Variants in EPB41L3 observed in about 807,000 individuals in gnomAD.
EPB41L3 encodes the protein erythrocyte membrane protein band 4.1 like 3.
Under a neutral mutation model 127.1 loss-of-function variants are expected in EPB41L3, and 57 were observed. The ratio of observed to expected loss-of-function variants is 0.45; its 90% CI spans 0.36 to 0.56. The LOEUF is 0.56. EPB41L3 is among the 20% of genes least tolerant of loss of function. The probability of loss-of-function intolerance (pLI) is 0.00; values close to 1 mark genes in which losing one functional copy is unlikely to be tolerated. For synonymous variants in EPB41L3, 572 were observed against 549.5 expected (o/e 1.04, Z -0.57); for missense variants, 1,273 against 1,372.2 (o/e 0.93, Z 1.14).
At chr18:5,501,368 G>A (rs1214239894) in intron 1 of EPB41L3, among the ~76,000 whole-genome samples, 1 of 152,112 alleles carries the variant, frequency 6.6e-6, no homozygotes, top group African/African-American at 2.4e-5. Context: ...TGATATCTTG[G>A]GAAATGGGAT....
chr18:5,545,918 T>C (rs2093874031), upstream of EPB41L3, among the ~76,000 whole-genome samples: 1 of 137,416 alleles, frequency 7.3e-6, no homozygotes. Flanking sequence ...TGTGTGTGTG[T>C]AGCACATAAG....
chr18:5,537,259 T>C lies in EPB41L3; in HGVS notation c.-12+6654A>G, dbSNP rs534955939. 2.6e-4 allele frequency among the ~76,000 whole-genome samples: 40 copies of C among 152,320 alleles called. 2 individuals carry two copies. The South Asian group carries it at 6.0e-3, about 23-fold the overall frequency. On this transcript the variant is annotated intron_variant, in intron 1 of 22. Transcript: ENST00000341928. ...ATATTTTAAAGTGAGAATGTATTATTTTTAATATCTCAAATAACTGAGATA... is the reference window on the plus strand; with the variant it reads ...ATATTTTAAAGTGAGAATGTATTATCTTTAATATCTCAAATAACTGAGATA...
In EPB41L3 at chr18:5,565,076, G is replaced by A. The variant is rs1300562371; in HGVS notation, c.-306+47264C>T. Among the ~76,000 whole-genome samples, 3 of 152,132 alleles carry A rather than the reference G, an allele frequency of 2.0e-5. No homozygotes were observed. In the East Asian group the frequency reaches 5.8e-4, roughly 29 times the overall value. On this transcript the variant is annotated intron_variant, in intron 3 of 21. Coordinates refer to the EPB41L3 transcript ENST00000545076. ...CACACAGCTTCTCTCAAAGGCATAT[G>A]CTGGCAATTGTCTAGTTTGAAGAGA... is the stretch of plus-strand genomic sequence containing the variant.
Position 5,511,882 on chromosome 18 carries a change from A to C in EPB41L3, c.-11-22688T>G, listed in dbSNP as rs549526058. Among the ~76,000 whole-genome samples the C allele has an allele frequency of 1.4e-4, 22 of 152,362 alleles. 1 individual carries two copies. Among genetic ancestry groups the C allele is most frequent in the South Asian group, 6.2e-4 (3 of 4,828 alleles). The stretch of plus-strand genomic sequence containing the variant: ...AGAACCACCTGGATGGAGATTAAGA[A>C]TGCACAAAAATTAAGCTGGTACAGA... On this transcript the variant is annotated intron_variant, in intron 1 of 22. Transcript: ENST00000341928.
intron 3 of EPB41L3, among the ~76,000 whole-genome samples, chr18:5,586,267 G>A (rs2094440935): frequency 6.6e-6 from 1 of 152,014 alleles, no homozygotes; most frequent in African/African-American, 2.4e-5. Context: ...TTTTTAAAAG[G>A]GCATTTATTT....
chr18:5,564,778 C>A (rs1361965125), intron 3 of EPB41L3, among the ~76,000 whole-genome samples: 1 of 152,140 alleles, frequency 6.6e-6, no homozygotes, highest in African/African-American at 2.4e-5. Flanking sequence ...CTACTGGACT[C>A]CCTGCCACCA....
chr18:5,424,028 AC>A (rs2077822012), intron 10 of EPB41L3, among the ~76,000 whole-genome samples: 1 of 152,196 alleles, frequency 6.6e-6, no homozygotes, highest in African/African-American at 2.4e-5. Flanking sequence ...ATGTAAACAC[AC>A]TAAAGATACT....
At chr18:5,441,056 A>T (rs1261462236) in intron 5 of EPB41L3, among the ~76,000 whole-genome samples, 3 of 152,062 alleles carry the variant, frequency 2.0e-5, no homozygotes. Flanking sequence ...AGCTAATTAA[A>T]ACAATTTTTT....
At chr18:5,591,348 C>A (rs1365764804) in intron 3 of EPB41L3, among the ~76,000 whole-genome samples, 1 of 125,042 alleles carries the variant, frequency 8.0e-6, no homozygotes, top group East Asian at 2.1e-4. Context: ...CAAGCGCCAT[C>A]AGATTTGGTG....
intron 3 of EPB41L3, among the ~76,000 whole-genome samples, chr18:5,456,542 A>G (rs2083100477): frequency 6.6e-6 from 1 of 152,248 alleles, no homozygotes. Flanking sequence ...GCACTTGCGC[A>G]TATCATATTT....
chr18:5,437,721 A>G (rs1173217522), intron 6 of EPB41L3, among the ~76,000 whole-genome samples: 3 of 152,212 alleles, frequency 2.0e-5, no homozygotes, highest in Non-Finnish European at 1.5e-5. Context: ...AAAAACTAAG[A>G]GCTGCTATAT....
chr18:5,530,973 C>T (rs899326895), intron 1 of EPB41L3, among the ~76,000 whole-genome samples: 6 of 152,290 alleles, frequency 3.9e-5, no homozygotes, highest in South Asian at 2.1e-4. Context: ...GGCAGACGGA[C>T]GGAGGCACAG....
intron 3 of EPB41L3, among the ~76,000 whole-genome samples, chr18:5,569,767 T>C (rs1425102078): frequency 1.3e-5 from 2 of 152,238 alleles, no homozygotes; most frequent in African/African-American, 2.4e-5. Context: ...CAACATCTTA[T>C]AAAGTGTAGG....
In EPB41L3 at chr18:5,420,078, G is replaced by A. The variant is rs377141304; in HGVS notation, c.1340-201C>T. 12 of 1,100,858 alleles carry A rather than the reference G, an allele frequency of 1.1e-5. No individual in the cohort carries two copies. The African/African-American group carries it at 1.6e-4, about 15-fold the overall frequency. The allele number at this position is 1,100,858 out of a possible 1,614,324, so 68.2% of individuals were successfully genotyped here. ...TGAAAAAACAAATCAGTGCTGCAGG[G>A]ACCTTCATGAGAGCATGACCTTCCT... On this transcript the variant is annotated intron_variant, in intron 11 of 22. Transcript: ENST00000341928.
At chr18:5,468,930 A>AAAACAAAC (rs139365871) in intron 3 of EPB41L3, among the ~76,000 whole-genome samples, 8 of 79,072 alleles carry the variant, frequency 1.0e-4, no homozygotes, top group South Asian at 4.1e-4. Context: ...CAAAAAACAA[A>AAAACAAAC]AAACAAACAA....
intron 1 of EPB41L3, among the ~76,000 whole-genome samples, chr18:5,542,681 C>T (rs2149074257): frequency 1.3e-5 from 2 of 152,294 alleles, no homozygotes; most frequent in Middle Eastern, 3.4e-3. Flanking sequence ...TGTTCCGCAA[C>T]AATCTCTACC....
upstream of EPB41L3, chr18:5,544,202 C>T (rs1184010343): frequency 3.0e-6 from 3 of 985,442 alleles, no homozygotes; most frequent in African/African-American, 3.5e-5. Flanking sequence ...ATGGGCACAG[C>T]CTCCTCCGTC....
rs528718484 is a variant in EPB41L3 at position 5,418,600 on chromosome 18, AG to A, written c.1506+1110del. On this transcript the variant is annotated intron_variant, in intron 12 of 22. Coordinates refer to ENST00000341928, the MANE Select transcript of EPB41L3 (RefSeq NM_012307.5). ...AATTTAGAACAAAGCACATTTTAAC[AG>A]CAAAAGTTATCGAAATATCCCTGCC... Among the ~76,000 whole-genome samples, 47 of 152,370 alleles carry A rather than the reference AG, an allele frequency of 3.1e-4. 1 individual carries two copies. In the South Asian group the frequency reaches 9.5e-3, roughly 31 times the overall value.
At chr18:5,547,897 A>G (rs1032328143), upstream of EPB41L3, among the ~76,000 whole-genome samples, 3 of 152,244 alleles carry the variant, frequency 2.0e-5, no homozygotes, top group African/African-American at 7.2e-5. Context: ...AGACTCCAGA[A>G]AGAAATAATA....
Sources: gnomAD v4.1 joint callset for allele counts (sites outside exome capture counted in the v4.1 genomes callset) on GRCh38, gnomAD v4.1.1 for gene constraint, MANE v1.5 for transcripts, NCBI Gene and HGNC (gene_info 2026-07-23, HGNC 2026-07-21) for gene names.